Variants in AKAIN1 observed in about 807,000 individuals in gnomAD.
The protein encoded by AKAIN1 is A-kinase anchor protein inhibitor 1.
Under a neutral mutation model 3.7 loss-of-function variants are expected in AKAIN1, and 3 were observed. That is an observed-to-expected ratio of 0.82 (90% CI 0.37 to 2.12). AKAIN1 has a LOEUF of 2.12. Ranked by LOEUF, AKAIN1 falls within the 30% of genes most tolerant of loss-of-function variation. AKAIN1 has a pLI of 0.06. For missense variants in AKAIN1, 82 were observed against 82.7 expected, an observed-to-expected ratio of 0.99 and a Z score of 0.03; for synonymous variants, 31 against 30.8, an observed-to-expected ratio of 1.01 and a Z score of -0.02.
chr18:5,160,764 T>C (rs988348704), intron 1 of AKAIN1, among the ~76,000 whole-genome samples: 1 of 152,148 alleles, frequency 6.6e-6, no homozygotes, highest in Non-Finnish European at 1.5e-5. Flanking sequence ...TTTCCTGTAT[T>C]TTCGTATGAA....
chr18:5,182,454 C>A (rs1023636846), intron 1 of AKAIN1, among the ~76,000 whole-genome samples: 1 of 152,018 alleles, frequency 6.6e-6, no homozygotes, highest in Admixed American at 6.6e-5. Flanking sequence ...ATTCATTTTT[C>A]AAATAGGCAT....
At chr18:5,160,968 C>T (rs541330311) in intron 1 of AKAIN1, among the ~76,000 whole-genome samples, 1 of 152,196 alleles carries the variant, frequency 6.6e-6, no homozygotes, top group African/African-American at 2.4e-5. Context: ...GCCTTAACAT[C>T]TGGAACAGCA....
chr18:5,155,388 T>A (rs551599767), intron 1 of AKAIN1, among the ~76,000 whole-genome samples: 38 of 152,236 alleles, frequency 2.5e-4, no homozygotes, highest in African/African-American at 8.9e-4. Context: ...ATGCGTAGGT[T>A]TCTCTTTTCG....
intron 1 of AKAIN1, among the ~76,000 whole-genome samples, chr18:5,150,786 T>A (rs1012860739): frequency 2.0e-4 from 31 of 152,362 alleles, no homozygotes; most frequent in South Asian, 6.2e-4. Context: ...ATATGGTTAA[T>A]AATTGGTCTA....
At chr18:5,192,393 C>CTTTCTTTCTTTCTTTT (rs2071324305) in intron 1 of AKAIN1, among the ~76,000 whole-genome samples, 1 of 93,404 alleles carries the variant, frequency 1.1e-5, no homozygotes, top group Admixed American at 1.1e-4. Context: ...AATTTTCTTT[C>CTTTCTTTCTTTCTTTT]TTTCTTTCTT....
intron 1 of AKAIN1, among the ~76,000 whole-genome samples, chr18:5,182,740 T>G (rs1259960243): frequency 6.6e-6 from 1 of 152,044 alleles, no homozygotes; most frequent in East Asian, 1.9e-4. Flanking sequence ...CAAAGCACGG[T>G]GTGAATTTAT....
At chr18:5,145,922 T>C (rs1438220614) in intron 1 of AKAIN1, among the ~76,000 whole-genome samples, 167 bp from the exon 2 acceptor site, 1 of 152,144 alleles carries the variant, frequency 6.6e-6, no homozygotes. Context: ...AATTGGGGGA[T>C]TGGTCTCAGG....
At chr18:5,153,038 A>T (rs188457887) in intron 1 of AKAIN1, among the ~76,000 whole-genome samples, 1 of 152,170 alleles carries the variant, frequency 6.6e-6, no homozygotes, top group South Asian at 2.1e-4. Context: ...TGAAACACAG[A>T]TGGACTTTGG....
chr18:5,177,013 C>CA (rs11444788), intron 1 of AKAIN1, among the ~76,000 whole-genome samples: 9,720 of 152,080 alleles, frequency 0.064, 660 homozygotes, highest in African/African-American at 0.17. Context: ...TGAAATACAG[C>CA]AGTTCCCAAA....
intron 1 of AKAIN1, among the ~76,000 whole-genome samples, chr18:5,149,498 T>A (rs991895708): frequency 1.3e-5 from 2 of 152,184 alleles, no homozygotes; most frequent in Admixed American, 6.6e-5. Context: ...TCCAGTATAC[T>A]CCAGTTATTG....
At chr18:5,191,133 T>C (rs2071315762) in intron 1 of AKAIN1, among the ~76,000 whole-genome samples, 1 of 152,162 alleles carries the variant, frequency 6.6e-6, no homozygotes, top group South Asian at 2.1e-4. Context: ...AAGGCAAGAA[T>C]GTCTTCTTAT....
intron 1 of AKAIN1, among the ~76,000 whole-genome samples, chr18:5,161,240 GT>G (rs1296787486): frequency 6.6e-6 from 1 of 151,754 alleles, no homozygotes; most frequent in East Asian, 1.9e-4. Flanking sequence ...AAAAAATTAT[GT>G]TTACAAGGTA....
At chr18:5,146,858 A>T (rs1324255662) in intron 1 of AKAIN1, among the ~76,000 whole-genome samples, 1 of 152,166 alleles carries the variant, frequency 6.6e-6, no homozygotes, top group African/African-American at 2.4e-5. Flanking sequence ...CACAGGCCAG[A>T]TTTGGCCCAT....
chr18:5,168,815 T>G (rs925441781), intron 1 of AKAIN1, among the ~76,000 whole-genome samples: 4 of 149,788 alleles, frequency 2.7e-5, no homozygotes, highest in Non-Finnish European at 4.4e-5. Flanking sequence ...GGCATTTGGA[T>G]GACATGCATA....
intron 1 of AKAIN1, among the ~76,000 whole-genome samples, chr18:5,186,212 G>A (rs9960823): frequency 0.31 from 47,364 of 151,668 alleles, 7,424 homozygotes; most frequent in East Asian, 0.35. Context: ...CAGATACCAG[G>A]GCCTACTTGA....
At chr18:5,147,677 G>A (rs981171278) in intron 1 of AKAIN1, among the ~76,000 whole-genome samples, 1 of 152,266 alleles carries the variant, frequency 6.6e-6, no homozygotes, top group Admixed American at 6.5e-5. Flanking sequence ...TAAGACTTAT[G>A]ATCTTCATTT....
intron 1 of AKAIN1, among the ~76,000 whole-genome samples, chr18:5,195,242 C>T (rs557351247): frequency 6.6e-6 from 1 of 152,168 alleles, no homozygotes; most frequent in African/African-American, 2.4e-5. Flanking sequence ...ACTTTCCACA[C>T]AGAACAAAAC....
intron 1 of AKAIN1, among the ~76,000 whole-genome samples, chr18:5,165,992 A>G (rs944245092): frequency 6.6e-6 from 1 of 152,080 alleles, no homozygotes; most frequent in African/African-American, 2.4e-5. Flanking sequence ...TTCCTTTTCT[A>G]GGAAGGAAAA....
intron 1 of AKAIN1, among the ~76,000 whole-genome samples, chr18:5,174,822 A>G (rs1284195282): frequency 6.6e-6 from 1 of 151,994 alleles, no homozygotes; most frequent in African/African-American, 2.4e-5. Flanking sequence ...CACGGGAACA[A>G]CTCTACTGAA....
Sources: gnomAD v4.1 joint callset for allele counts (sites outside exome capture counted in the v4.1 genomes callset) on GRCh38, gnomAD v4.1.1 for gene constraint, MANE v1.5 for transcripts, NCBI Gene and HGNC (gene_info 2026-07-23, HGNC 2026-07-21) for gene names.